Variants in ZNF608 observed in about 807,000 individuals in gnomAD.
The protein encoded by ZNF608 is zinc finger protein 608, also known as renal carcinoma antigen NY-REN-36.
Under a neutral mutation model 109.0 loss-of-function variants are expected in ZNF608, and 12 were observed. The observed-to-expected ratio is 0.11, with a 90% CI of 0.07 to 0.18. ZNF608 has a LOEUF of 0.18. ZNF608 is among the 10% of genes least tolerant of loss of function. The pLI is 1.00. For missense variants in ZNF608, 1,707 were observed against 1,879.3 expected, an observed-to-expected ratio of 0.91 and a Z score of 1.70; for synonymous variants, 732 against 717.4, an observed-to-expected ratio of 1.02 and a Z score of -0.33.
At chr5:124,738,435 A>T (rs750324193) in intron 2 of ZNF608, among the ~76,000 whole-genome samples, 28 of 152,220 alleles carry the variant, frequency 1.8e-4, no homozygotes, top group Non-Finnish European at 3.8e-4. Flanking sequence ...GCAAGTTCAG[A>T]GTGCTGGCAA....
At chr5:124,670,887 T>C (rs774740840) in intron 3 of ZNF608, among the ~76,000 whole-genome samples, 1 of 152,224 alleles carries the variant, frequency 6.6e-6, no homozygotes, top group Non-Finnish European at 1.5e-5. Flanking sequence ...CAATGTTGTT[T>C]CAGTTATTCT....
At chr5:124,700,215 T>C (rs1212059138) in intron 3 of ZNF608, among the ~76,000 whole-genome samples, 1 of 152,210 alleles carries the variant, frequency 6.6e-6, no homozygotes, top group Non-Finnish European at 1.5e-5. Context: ...TCTTGGTAGT[T>C]AGTTTTCAAT....
intron 2 of ZNF608, among the ~76,000 whole-genome samples, chr5:124,727,484 G>T (rs1391729533): frequency 6.6e-6 from 1 of 151,752 alleles, no homozygotes; most frequent in African/African-American, 2.4e-5. Context: ...AGAAATTCTA[G>T]AAATGAATGT....
chr5:124,735,541 C>G (rs1257076467), intron 2 of ZNF608, among the ~76,000 whole-genome samples: 1 of 152,216 alleles, frequency 6.6e-6, no homozygotes, highest in African/African-American at 2.4e-5. Context: ...CACTGATAAA[C>G]TGGAGGATGC....
chr5:124,649,806 T>C, intron 3 of ZNF608, 109 bp from the exon 4 acceptor site: 1 of 670,810 alleles, frequency 1.5e-6, no homozygotes, highest in Non-Finnish European at 2.4e-6. Flanking sequence ...TCTATTCTCA[T>C]TTGCTTTTAA....
intron 2 of ZNF608, among the ~76,000 whole-genome samples, chr5:124,714,744 G>A (rs4389685): frequency 0.66 from 100,485 of 152,054 alleles, 34,491 homozygotes; most frequent in African/African-American, 0.84. Context: ...ACCAATCTCA[G>A]TAACACATGT....
chr5:124,642,408 A>T (rs747011756), intron 7 of ZNF608, among the ~76,000 whole-genome samples: 2 of 152,194 alleles, frequency 1.3e-5, no homozygotes, highest in Non-Finnish European at 2.9e-5. Context: ...CTCACACTGT[A>T]CAAGGCTCAA....
chr5:124,726,730 A>G (rs141798573), intron 2 of ZNF608, among the ~76,000 whole-genome samples: 4 of 151,322 alleles, frequency 2.6e-5, no homozygotes, highest in Admixed American at 2.6e-4. Flanking sequence ...CATCGCATTC[A>G]AGCTAAAATC....
intron 2 of ZNF608, among the ~76,000 whole-genome samples, chr5:124,727,529 G>A (rs1411013260): frequency 6.7e-6 from 1 of 149,972 alleles, no homozygotes; most frequent in African/African-American, 2.5e-5. Context: ...ATGGAAAAAA[G>A]AAATATATAA....
chr5:124,671,911 T>C (rs1255855111), intron 3 of ZNF608, among the ~76,000 whole-genome samples: 1 of 152,340 alleles, frequency 6.6e-6, no homozygotes, highest in East Asian at 1.9e-4. Context: ...CTGCTGGGAT[T>C]ACAGGCATGA....
At chr5:124,652,340 A>C (rs969680641) in intron 3 of ZNF608, among the ~76,000 whole-genome samples, 6 of 152,250 alleles carry the variant, frequency 3.9e-5, no homozygotes, top group African/African-American at 1.4e-4. Flanking sequence ...GGGCCTAAAT[A>C]AGTAACCCTT....
intron 3 of ZNF608, among the ~76,000 whole-genome samples, chr5:124,694,547 C>T (rs779481230): frequency 2.0e-5 from 3 of 151,912 alleles, no homozygotes; most frequent in Admixed American, 6.6e-5. Context: ...ACAACGGTGA[C>T]GAACCTCAAG....
At chr5:124,660,085 G>T (rs1030967099) in intron 3 of ZNF608, among the ~76,000 whole-genome samples, 10 of 152,092 alleles carry the variant, frequency 6.6e-5, no homozygotes, top group African/African-American at 2.4e-4. Flanking sequence ...TACTGGAAAT[G>T]ATCACTCTGC....
intron 3 of ZNF608, among the ~76,000 whole-genome samples, chr5:124,665,278 CA>C (rs1751432647): frequency 6.6e-6 from 1 of 152,028 alleles, no homozygotes; most frequent in Admixed American, 6.6e-5. Flanking sequence ...GCAAATGTTA[CA>C]AATCAGGGCT....
At chr5:124,649,945 G>A (rs779677434) in intron 3 of ZNF608, among the ~76,000 whole-genome samples, 1 of 152,218 alleles carries the variant, frequency 6.6e-6, no homozygotes, top group Non-Finnish European at 1.5e-5. Flanking sequence ...GTGTGTGAGA[G>A]TGTAATCAAG....
chr5:124,726,741 C>G (rs868610292), intron 2 of ZNF608, among the ~76,000 whole-genome samples: 10 of 151,534 alleles, frequency 6.6e-5, no homozygotes, highest in Middle Eastern at 3.4e-3. Flanking sequence ...AGCTAAAATC[C>G]AAATTCCTTA....
intron 3 of ZNF608, among the ~76,000 whole-genome samples, chr5:124,677,980 A>G (rs545200106): frequency 6.6e-6 from 1 of 152,226 alleles, no homozygotes; most frequent in South Asian, 2.1e-4. Flanking sequence ...TATTAGCCCC[A>G]ATATATGGTA....
At chr5:124,739,597 G>A (rs1369460936) in intron 2 of ZNF608, among the ~76,000 whole-genome samples, 5 of 152,182 alleles carry the variant, frequency 3.3e-5, no homozygotes, top group Non-Finnish European at 7.3e-5. Context: ...ATTATAAAGT[G>A]TTCAATGGCT....
rs1277628350 is a variant in ZNF608 at position 124,647,650 on chromosome 5, C to T, written c.2734G>A (p.Gly912Arg). Residue 912 changes from glycine to arginine, a missense_variant, in exon 5 of 10, where the codon GGG (glycine) becomes AGG (arginine). By Grantham distance (125) the Gly-to-Arg change is moderately radical (BLOSUM62 -2). Around this residue, in one of 7 missense-constraint regions of ZNF608, gnomAD observed 1,073 missense variants for 1,133.5 expected, o/e 0.95. Transcript: ENST00000513986. ...SRLECSTLVN[G>R]QAPMAPLHVL... ...TGCAGAGGTGCCATTGGTGCCTGCC[C>T]GTTCACCAAAGTGCTGCATTCCAGC... 1.4e-5 allele frequency: 22 copies of T among 1,614,094 alleles called. No individual in the cohort carries two copies. Among genetic ancestry groups the T allele is most frequent in the Non-Finnish European group, 1.5e-5 (18 of 1,180,062 alleles).
Sources: gnomAD v4.1 joint callset for allele counts (sites outside exome capture counted in the v4.1 genomes callset) on GRCh38, gnomAD v4.1.1 for gene constraint, gnomAD v4.1.1 regional missense constraint, MANE v1.5 for transcripts, NCBI Gene and HGNC (gene_info 2026-07-23, HGNC 2026-07-21) for gene names.